SLC9A3: variants seen among roughly 807,000 people sequenced by gnomAD.
SLC9A3 encodes the protein solute carrier family 9 member A3, also known as sodium/hydrogen exchanger 3.
SLC9A3 carries 37 observed loss-of-function variants against 86.8 expected under a neutral mutation model. The observed-to-expected ratio is 0.43, with a 90% CI of 0.33 to 0.56. SLC9A3 has a LOEUF of 0.56. Ranked by LOEUF, SLC9A3 falls within the 20% of genes least tolerant of loss-of-function variation. The probability of loss-of-function intolerance (pLI) is 0.06; values close to 1 mark genes in which losing one functional copy is unlikely to be tolerated. For missense variants in SLC9A3, 1,011 were observed against 1,171.9 expected (o/e 0.86, Z 2.00); for synonymous variants, 581 against 528.3 (o/e 1.10, Z -1.37).
intron 3 of SLC9A3, 129 bp downstream of exon 3, chr5:488,187 G>A: frequency 1.0e-6 from 1 of 994,074 alleles, no homozygotes; most frequent in East Asian, 2.5e-5. Context: ...GGAGGGACGG[G>A]ACGCCCCCGG....
chr5:517,237 C>A (rs1733756650), intron 1 of SLC9A3, among the ~76,000 whole-genome samples: 2 of 129,180 alleles, frequency 1.5e-5, no homozygotes, highest in East Asian at 2.2e-4. Context: ...AGCCATCCAT[C>A]CATCTGTCCA....
Position 491,801 on chromosome 5 carries a change from G to T in SLC9A3, c.482C>A (p.Ser161Tyr). The T allele has an allele frequency of 6.3e-7, 1 of 1,579,632 alleles. No individual in the cohort carries two copies. The highest frequency in any genetic ancestry group is 8.6e-7 in the Non-Finnish European group (1 of 1,162,100). Reference protein sequence around the residue: ...TVWNAATTGLSLYGVFLSGLM... With the variant: ...TVWNAATTGLYLYGVFLSGLM... ...CCCACTGAGGAAGACGCCGTAGAGG[G>T]ACAGCCCGGTGGTGGCCGCGTTCCA... The change falls in exon 2 of 17, where the codon TCC becomes TAC. Residue 161 changes from serine (S) to tyrosine (Y), a missense_variant. Physicochemically the swap from Ser to Tyr is moderately radical, Grantham distance 144. This residue lies in a region of SLC9A3 where 565 missense variants were observed against 790.0 expected (regional missense o/e 0.72). Coordinates refer to ENST00000264938, the MANE Select transcript of SLC9A3 (RefSeq NM_004174.4). This position sits in a 1 kb window ranked among gnomAD's most constrained non-coding sequence, Gnocchi z 9.2.
Position 476,532 on chromosome 5 carries a change from G to A in SLC9A3, c.1890+11C>T, listed in dbSNP as rs200014295. 2.2e-5 allele frequency: 36 copies of A among 1,609,744 alleles called. No homozygotes were observed. The highest frequency in any genetic ancestry group is 1.8e-4 in the Middle Eastern group (1 of 5,604). On this transcript the variant is annotated intron_variant, in intron 12 of 16. Coordinates refer to ENST00000264938, the MANE Select transcript of SLC9A3 (RefSeq NM_004174.4). ...TGCGGGGTCCTCCAGCCCCCAGCCC[G>A]CAGTGCCCACCTCCTGCCGCGGCTT...
Position 497,359 on chromosome 5 carries a change from C to A in SLC9A3, c.212-5288G>T, listed in dbSNP as rs905192338. Among the ~76,000 whole-genome samples, 1 of 152,120 alleles carries A rather than the reference C, an allele frequency of 6.6e-6. No individual in the cohort carries two copies. Among genetic ancestry groups the A allele is most frequent in the African/African-American group, 2.4e-5 (1 of 41,410 alleles). Reference sequence around the variant, plus strand: ...CCTCGAAACCTGGTTTCTCTGCTCCCGGGTCTCAAATCCGGGTTCTTCCCT... The same window carrying A: ...CCTCGAAACCTGGTTTCTCTGCTCCAGGGTCTCAAATCCGGGTTCTTCCCT... On this transcript the variant is annotated intron_variant, in intron 1 of 16. Transcript: ENST00000264938. This position sits in a 1 kb window ranked among gnomAD's most constrained non-coding sequence, Gnocchi z 5.4.
At chr5:489,840 G>A (rs981966128) in intron 2 of SLC9A3, among the ~76,000 whole-genome samples, 2 of 152,222 alleles carry the variant, frequency 1.3e-5, no homozygotes, top group Non-Finnish European at 1.5e-5. Context: ...CGTCTGGACA[G>A]TTGCCCACGG....
At position 524,443 on chromosome 5, in the gene SLC9A3, A is replaced by G; in HGVS notation, c.-121T>C. 1 of 297,774 alleles carries G rather than the reference A, an allele frequency of 3.4e-6. No individual in the cohort carries two copies. Among genetic ancestry groups the G allele is most frequent in the Non-Finnish European group, 5.7e-6 (1 of 175,552 alleles). 18.4% of individuals were successfully genotyped at this position (297,774 alleles called of 1,614,324 possible). On this transcript the variant is annotated 5_prime_UTR_variant, in exon 1 of 17. Transcript: ENST00000264938. ...GCGCGCTCCGGTGCCGGTACCGGCT[A>G]CAGTCCGATCCCCGCCCGCCGGGGT...
At chr5:478,625 C>G (rs1738935430) in intron 10 of SLC9A3, 1 of 154,594 alleles carries the variant, frequency 6.5e-6, no homozygotes, top group African/African-American at 2.4e-5. Context: ...GGTCGTGGGT[C>G]AAGGATGGTG....
intron 1 of SLC9A3, among the ~76,000 whole-genome samples, chr5:514,421 G>A (rs1163660150): frequency 6.6e-6 from 1 of 152,228 alleles, no homozygotes; most frequent in Non-Finnish European, 1.5e-5. Context: ...AAGACCAGTG[G>A]CCGCTGGCTC....
At position 497,798 on chromosome 5, in the gene SLC9A3, T is replaced by TCA. The variant is rs1295305096; in HGVS notation, c.212-5728_212-5727insTG. Among the ~76,000 whole-genome samples the TCA allele has an allele frequency of 3.2e-5, 1 of 31,408 alleles. No homozygotes were observed. The highest frequency in any genetic ancestry group is 6.6e-5 in the Non-Finnish European group (1 of 15,246). The allele number at this position is 31,408 out of a possible 152,430, so 20.6% of individuals were successfully genotyped here. A position where few individuals can be genotyped will look rare whatever the true frequency, so the allele number is the denominator to read the frequency against. On this transcript the variant is annotated intron_variant, in intron 1 of 16. Coordinates refer to ENST00000264938, the MANE Select transcript of SLC9A3 (RefSeq NM_004174.4). The surrounding 1 kb of genome is among the most constrained non-coding windows in gnomAD (Gnocchi z 5.4). ...CGGCCGCATCCCCAGCCTCTGCCCC[T>TCA]GTCCCGGGTGGGGTCGCCCGGCCGC...
chr5:476,764 G>A, intron 11 of SLC9A3, 92 bp from the exon 12 acceptor site: 1 of 1,501,564 alleles, frequency 6.7e-7, no homozygotes, highest in Non-Finnish European at 9.0e-7. Context: ...ATCTGGCCCT[G>A]GCTGCCTCCT....
chr5:486,224 G>C (rs910545856), intron 3 of SLC9A3, among the ~76,000 whole-genome samples: 2 of 152,202 alleles, frequency 1.3e-5, no homozygotes, highest in African/African-American at 4.8e-5. Flanking sequence ...CTCGGGGCTG[G>C]GGGAGGATGG....
rs1739968836 is a variant in SLC9A3 at position 495,232 on chromosome 5, T to A, written c.212-3161A>T. Among the ~76,000 whole-genome samples the A allele has an allele frequency of 2.0e-5, 3 of 152,220 alleles. No individual in the cohort carries two copies. In the South Asian group the frequency reaches 6.2e-4, roughly 32 times the overall value. ...GGGTTAGGGTCTTTCAGCCACAGTC[T>A]TCCAAAATTAGGTTCACAGCGATCA... On this transcript the variant is annotated intron_variant, in intron 1 of 16. Coordinates refer to ENST00000264938, the MANE Select transcript of SLC9A3 (RefSeq NM_004174.4).
At chr5:475,763 G>T in intron 14 of SLC9A3, 92 bp from the exon 15 acceptor site, 1 of 784,368 alleles carries the variant, frequency 1.3e-6, no homozygotes, top group Non-Finnish European at 2.2e-6. Context: ...GTGCACAGAG[G>T]TGCAGGCAGT....
chr5:485,076 TG>T, intron 4 of SLC9A3, 76 bp downstream of exon 4: 1 of 1,104,362 alleles, frequency 9.1e-7, no homozygotes, highest in South Asian at 1.2e-5. Context: ...TTTTCCTGCA[TG>T]GGCTGCAGGC....
chr5:482,125 C>G lies in SLC9A3; in HGVS notation c.1389G>C (p.Leu463=). The G allele has an allele frequency of 6.2e-7, 1 of 1,610,780 alleles. No individual in the cohort carries two copies. Among genetic ancestry groups the G allele is most frequent in the Non-Finnish European group, 8.5e-7 (1 of 1,179,202 alleles). Residue 463 remains leucine, a synonymous_variant, in exon 8 of 17, where the codon CTG becomes CTC. Coordinates refer to ENST00000264938, the MANE Select transcript of SLC9A3 (RefSeq NM_004174.4). ...GLTIKPLVQW[L]KVKRSEHREP... ...CCCGGTGCTCGCTCCTCTTCACCTT[C>G]AGCCACTGCACCAGAGGCTTGATGG...
intron 6 of SLC9A3, 93 bp downstream of exon 6, chr5:483,168 TC>T (rs1025638085): frequency 1.0e-6 from 1 of 977,256 alleles, no homozygotes; most frequent in African/African-American, 1.7e-5. Flanking sequence ...GGGCTGCACC[TC>T]CATCTCCCTG....
rs530407994 is a variant in SLC9A3 at position 495,083 on chromosome 5, G to A, written c.212-3012C>T. 2.8e-5 allele frequency among the ~76,000 whole-genome samples: 4 copies of A among 143,162 alleles called. No individual in the cohort carries two copies. The East Asian group carries it at 7.8e-4, about 28-fold the overall frequency. The allele number at this position is 143,162 out of a possible 152,430, so 93.9% of individuals were successfully genotyped here. A position where few individuals can be genotyped will look rare whatever the true frequency, so the allele number is the denominator to read the frequency against. ...AAAATCCAGCGACCACAGAGACCGC[G>A]TGTCCCCAGGTGGGGGGGCGCCGTG... On this transcript the variant is annotated intron_variant, in intron 1 of 16. Transcript: ENST00000264938.
intron 3 of SLC9A3, among the ~76,000 whole-genome samples, chr5:485,617 T>C (rs1490915247): frequency 6.6e-6 from 1 of 152,274 alleles, no homozygotes; most frequent in Non-Finnish European, 1.5e-5. Context: ...TTTGCATGTT[T>C]TTAAACCTTA....
intron 1 of SLC9A3, among the ~76,000 whole-genome samples, chr5:516,384 C>T (rs188903608): frequency 3.3e-5 from 5 of 152,264 alleles, no homozygotes; most frequent in African/African-American, 7.2e-5. Flanking sequence ...TGGGCTACCT[C>T]GATAAGACGG....
Sources: gnomAD v4.1 joint callset for allele counts (sites outside exome capture counted in the v4.1 genomes callset) on GRCh38, gnomAD v4.1.1 for gene constraint, gnomAD v4.1.1 regional missense constraint, Gnocchi (gnomAD v3.1) non-coding constraint, MANE v1.5 for transcripts, NCBI Gene and HGNC (gene_info 2026-07-23, HGNC 2026-07-21) for gene names.